Variants in PBX1 observed in about 807,000 individuals in gnomAD.
The protein encoded by PBX1 is pre-B-cell leukemia transcription factor 1.
Under a neutral mutation model 53.4 loss-of-function variants are expected in PBX1, and 6 were observed. The observed-to-expected ratio is 0.11, with a 90% CI of 0.06 to 0.22. The LOEUF (loss-of-function observed/expected upper bound fraction) is 0.22, where lower values mean the gene tolerates loss of function less well. PBX1 is among the 10% of genes least tolerant of loss of function. The probability of loss-of-function intolerance (pLI) is 1.00; values close to 1 mark genes in which losing one functional copy is unlikely to be tolerated. For missense variants in PBX1, 251 were observed against 551.4 expected (o/e 0.46, Z 5.46); for synonymous variants, 204 against 212.3 (o/e 0.96, Z 0.34).
intron 5 of PBX1, among the ~76,000 whole-genome samples, chr1:164,809,994 A>C (rs1306146847): frequency 2.0e-5 from 3 of 152,226 alleles, no homozygotes; most frequent in Non-Finnish European, 4.4e-5. Flanking sequence ...ATGAACACTT[A>C]ACTTTGAAAA....
chr1:164,669,887 T>C (rs1661022008), intron 2 of PBX1, among the ~76,000 whole-genome samples: 2 of 152,208 alleles, frequency 1.3e-5, no homozygotes, highest in South Asian at 2.1e-4. Context: ...GGTGCTCTGA[T>C]GTTGGGTGCA....
intron 2 of PBX1, among the ~76,000 whole-genome samples, chr1:164,583,357 T>C (rs1310866251): frequency 6.6e-6 from 1 of 151,628 alleles, no homozygotes; most frequent in Non-Finnish European, 1.5e-5. Context: ...GTAGATTTGG[T>C]TTTTTGCTTC....
chr1:164,641,087 A>C (rs1659113332), intron 2 of PBX1: 1 of 152,826 alleles, frequency 6.5e-6, no homozygotes. Context: ...CTTTGAGCAG[A>C]ATGCTTAAGG....
intron 8 of PBX1, among the ~76,000 whole-genome samples, chr1:164,833,195 T>TA (rs1419846479): frequency 2.5e-5 from 3 of 120,002 alleles, no homozygotes; most frequent in Non-Finnish European, 3.6e-5. Flanking sequence ...CTCCCCTCGC[T>TA]AAAAAAACAA....
chr1:164,805,087 C>A (rs755766071), intron 4 of PBX1, among the ~76,000 whole-genome samples: 1 of 152,066 alleles, frequency 6.6e-6, no homozygotes, highest in African/African-American at 2.4e-5. Flanking sequence ...AAAAACTTAC[C>A]CCATGGACCC....
downstream of PBX1, among the ~76,000 whole-genome samples, chr1:164,852,930 G>A (rs1671891399): frequency 6.6e-6 from 1 of 152,132 alleles, no homozygotes; most frequent in Admixed American, 6.6e-5. Flanking sequence ...TTTTTCAATT[G>A]CATGGAAAAT....
At chr1:164,677,385 C>T (rs547612914) in intron 2 of PBX1, among the ~76,000 whole-genome samples, 1 of 152,104 alleles carries the variant, frequency 6.6e-6, no homozygotes, top group African/African-American at 2.4e-5. Flanking sequence ...AGCCACCGCG[C>T]CCGGCCTTAC....
chr1:164,798,643 C>G (rs1044690277), intron 3 of PBX1, among the ~76,000 whole-genome samples: 1 of 152,230 alleles, frequency 6.6e-6, no homozygotes, highest in Non-Finnish European at 1.5e-5. Flanking sequence ...CCACTTCTTC[C>G]TGTTAAATAA....
intron 2 of PBX1, among the ~76,000 whole-genome samples, chr1:164,774,167 A>G (rs11808339): frequency 0.66 from 100,155 of 152,010 alleles, 33,600 homozygotes; most frequent in African/African-American, 0.77. Flanking sequence ...GACAGAATAA[A>G]AAAAAAATAA....
intron 2 of PBX1, among the ~76,000 whole-genome samples, chr1:164,768,793 C>G (rs1360879035): frequency 6.6e-6 from 1 of 152,214 alleles, no homozygotes; most frequent in African/African-American, 2.4e-5. Context: ...ATTCATCACG[C>G]CTGTAATCCC....
intron 2 of PBX1, among the ~76,000 whole-genome samples, chr1:164,590,914 G>C (rs924856541): frequency 6.6e-6 from 1 of 152,058 alleles, no homozygotes; most frequent in Non-Finnish European, 1.5e-5. Context: ...GTGCGATCTC[G>C]GCTCACTGCA....
chr1:164,677,828 G>T (rs1341874910), intron 2 of PBX1, among the ~76,000 whole-genome samples: 1 of 152,160 alleles, frequency 6.6e-6, no homozygotes, highest in East Asian at 1.9e-4. Context: ...TGGCTTGGCC[G>T]TGATGCAGAT....
At chr1:164,728,456 C>T (rs1021472599) in intron 2 of PBX1, among the ~76,000 whole-genome samples, 1 of 152,102 alleles carries the variant, frequency 6.6e-6, no homozygotes, top group Non-Finnish European at 1.5e-5. Flanking sequence ...CCTGTGCAAA[C>T]CAATAATTTG....
At chr1:164,870,613 G>A (rs985370065) in intron 2 of PBX1, among the ~76,000 whole-genome samples, 2 of 151,990 alleles carry the variant, frequency 1.3e-5, no homozygotes, top group African/African-American at 4.8e-5. Flanking sequence ...CAAAGTGCTG[G>A]GATTACAGGC....
Position 164,559,811 on chromosome 1 carries a change from T to C in PBX1, c.-12T>C, listed in dbSNP as rs931299581. ...GAAGAGGAAGAGCCGGGGGCTGCCG[T>C]AGCCTTTGGAGATGGACGAGCAGCC... On this transcript the variant is annotated 5_prime_UTR_variant, in exon 1 of 9. Coordinates refer to ENST00000420696, the MANE Select transcript of PBX1 (RefSeq NM_002585.4). 2.3e-5 allele frequency: 35 copies of C among 1,541,274 alleles called. No homozygotes were observed. In the East Asian group the frequency reaches 7.8e-4, roughly 35 times the overall value.
At position 164,631,938 on chromosome 1, in the gene PBX1, T is replaced by G. The variant is rs1345190798; in HGVS notation, c.265+68627T>G. Reference sequence around the variant, plus strand: ...ACTTGCTTGTTCCACAGGCAGAGCCTGGGCAGCACTCAATAACACCCCTCA... The same window carrying G: ...ACTTGCTTGTTCCACAGGCAGAGCCGGGGCAGCACTCAATAACACCCCTCA... On this transcript the variant is annotated intron_variant, in intron 2 of 8. Transcript: ENST00000420696. Among the ~76,000 whole-genome samples the G allele has an allele frequency of 2.6e-5, 4 of 152,364 alleles. 1 individual carries two copies. In the East Asian group the frequency reaches 7.7e-4, roughly 29 times the overall value.
At chr1:164,802,691 C>G (rs759646106) in intron 4 of PBX1, among the ~76,000 whole-genome samples, 2 of 152,142 alleles carry the variant, frequency 1.3e-5, no homozygotes, top group Non-Finnish European at 2.9e-5. Context: ...TTATGCCACT[C>G]AAGTCATTTC....
At chr1:164,635,266 T>A (rs1658681709) in intron 2 of PBX1, among the ~76,000 whole-genome samples, 1 of 152,128 alleles carries the variant, frequency 6.6e-6, no homozygotes. Flanking sequence ...CCCTGCTGTG[T>A]CATTTGAATT....
intron 2 of PBX1, among the ~76,000 whole-genome samples, chr1:164,631,593 C>T (rs1000722468): frequency 1.3e-5 from 2 of 152,158 alleles, no homozygotes; most frequent in African/African-American, 4.8e-5. Context: ...AGCCTCCGGG[C>T]ATATTTACAA....
Sources: gnomAD v4.1 joint callset for allele counts (sites outside exome capture counted in the v4.1 genomes callset) on GRCh38, gnomAD v4.1.1 for gene constraint, MANE v1.5 for transcripts, NCBI Gene and HGNC (gene_info 2026-07-23, HGNC 2026-07-21) for gene names.